Variants in VPS13B observed in about 807,000 individuals in gnomAD.
VPS13B encodes the protein intermembrane lipid transfer protein VPS13B.
In VPS13B, 285 loss-of-function variants were observed where a neutral mutation model predicts 426.4. That is an observed-to-expected ratio of 0.67 (90% CI 0.61 to 0.74). The LOEUF is 0.74. VPS13B is among the 30% of genes least tolerant of loss of function. VPS13B has a pLI of 0.00. For missense variants in VPS13B, 4,537 were observed against 4,782.6 expected (o/e 0.95, Z 1.51); for synonymous variants, 1,676 against 1,676.4 (o/e 1.00, Z 0.01).
At chr8:99,428,662 A>T (rs1450717207) in intron 21 of VPS13B, among the ~76,000 whole-genome samples, 1 of 151,870 alleles carries the variant, frequency 6.6e-6, no homozygotes, top group Admixed American at 6.6e-5. Context: ...GTGGAGAAAT[A>T]ACACTTTTAC....
chr8:99,386,270 T>A (rs943559395), intron 20 of VPS13B, among the ~76,000 whole-genome samples: 1 of 152,248 alleles, frequency 6.6e-6, no homozygotes, highest in Non-Finnish European at 1.5e-5. Context: ...AATATTTTGA[T>A]TTTTAACTTT....
intron 19 of VPS13B, among the ~76,000 whole-genome samples, chr8:99,312,037 C>G (rs1335952614): frequency 6.6e-6 from 1 of 152,172 alleles, no homozygotes; most frequent in Non-Finnish European, 1.5e-5. Flanking sequence ...AGATCTTCCT[C>G]CATCCCTTTA....
At chr8:99,613,120 A>G (rs972822347) in intron 33 of VPS13B, among the ~76,000 whole-genome samples, 1 of 152,230 alleles carries the variant, frequency 6.6e-6, no homozygotes, top group Non-Finnish European at 1.5e-5. Context: ...ACAATTGACT[A>G]CCATGAAATC....
At chr8:99,239,844 AT>A (rs969147907) in intron 17 of VPS13B, among the ~76,000 whole-genome samples, 66 of 152,126 alleles carry the variant, frequency 4.3e-4, no homozygotes, top group African/African-American at 1.5e-3. Flanking sequence ...ATTTAAAGAC[AT>A]TAAATAATTA....
intron 17 of VPS13B, among the ~76,000 whole-genome samples, chr8:99,214,428 T>C (rs919984950): frequency 1.8e-4 from 27 of 152,326 alleles, no homozygotes; most frequent in Admixed American, 8.5e-4. Flanking sequence ...GAGAACTTAA[T>C]AAAAATTAAC....
At chr8:99,460,127 G>A (rs769003269) in intron 23 of VPS13B, among the ~76,000 whole-genome samples, 2 of 151,982 alleles carry the variant, frequency 1.3e-5, no homozygotes, top group Non-Finnish European at 2.9e-5. Flanking sequence ...AACTCACTTG[G>A]TAATTTGCTA....
chr8:99,434,158 G>A (rs1189031239), intron 22 of VPS13B, among the ~76,000 whole-genome samples: 1 of 152,102 alleles, frequency 6.6e-6, no homozygotes, highest in East Asian at 1.9e-4. Context: ...AAGTAAAGGA[G>A]TTTTGATTAA....
intron 33 of VPS13B, among the ~76,000 whole-genome samples, chr8:99,588,222 C>A (rs902174368): frequency 6.6e-6 from 1 of 151,556 alleles, no homozygotes; most frequent in African/African-American, 2.4e-5. Context: ...TTACTGTAGC[C>A]TTGTAGTATA....
chr8:99,708,101 T>C (rs565457586), intron 36 of VPS13B, among the ~76,000 whole-genome samples: 1 of 152,322 alleles, frequency 6.6e-6, no homozygotes, highest in Admixed American at 6.5e-5. Context: ...AAGTATGTAT[T>C]TGCTATTATT....
chr8:99,365,398 G>C (rs145421329), intron 19 of VPS13B, among the ~76,000 whole-genome samples: 11 of 150,032 alleles, frequency 7.3e-5, no homozygotes, highest in African/African-American at 2.2e-4. Flanking sequence ...TGATGTATTT[G>C]TTTATAGCTA....
chr8:99,613,806 AC>A (rs1290926182), intron 33 of VPS13B: 4 of 152,304 alleles, frequency 2.6e-5, no homozygotes, highest in African/African-American at 9.6e-5. Context: ...TTGCTATGTT[AC>A]CCAGGCTGCA....
intron 19 of VPS13B, among the ~76,000 whole-genome samples, chr8:99,359,233 A>G (rs1257711358): frequency 1.7e-4 from 26 of 152,324 alleles, no homozygotes; most frequent in Non-Finnish European, 2.9e-5. Context: ...TCATAAAATA[A>G]CATTGATTTT....
At chr8:99,462,158 C>G (rs2133494086) in intron 23 of VPS13B, among the ~76,000 whole-genome samples, 1 of 150,630 alleles carries the variant, frequency 6.6e-6, no homozygotes, top group East Asian at 2.0e-4. Flanking sequence ...CCCTTCCTCC[C>G]TCCCTTTCTC....
At chr8:99,305,718 T>G (rs1242045064) in intron 19 of VPS13B, among the ~76,000 whole-genome samples, 1 of 152,076 alleles carries the variant, frequency 6.6e-6, no homozygotes, top group East Asian at 1.9e-4. Context: ...GAACTAAAAA[T>G]CTTTGGTAAA....
At chr8:99,388,813 G>A (rs1201760928) in intron 20 of VPS13B, among the ~76,000 whole-genome samples, 1 of 152,188 alleles carries the variant, frequency 6.6e-6, no homozygotes, top group Non-Finnish European at 1.5e-5. Flanking sequence ...TTAGAAAGTG[G>A]TTTTGTTTGG....
intron 54 of VPS13B, among the ~76,000 whole-genome samples, chr8:99,836,930 G>A (rs1279676408): frequency 6.6e-6 from 1 of 152,214 alleles, no homozygotes; most frequent in Non-Finnish European, 1.5e-5. Flanking sequence ...TAATTTGCAT[G>A]TAGTGGAAGC....
chr8:99,464,021 C>G (rs1175555376), intron 23 of VPS13B, among the ~76,000 whole-genome samples: 1 of 152,060 alleles, frequency 6.6e-6, no homozygotes, highest in Non-Finnish European at 1.5e-5. Flanking sequence ...AAGTTAAATG[C>G]TAACTAGTTT....
rs564465033 is a variant in VPS13B at position 99,302,512 on chromosome 8, A to AT, written c.2824+27269dup. On this transcript the variant is annotated intron_variant, in intron 19 of 61. Transcript: ENST00000357162. ...ATGCAATTTATTGAATACTCTATTG[A>AT]TTTTTTTTTTTATTAAAGACAGAGT... Among the ~76,000 whole-genome samples, 374 of 148,256 alleles carry AT rather than the reference A, an allele frequency of 2.5e-3. 1 individual carries two copies. The highest frequency in any genetic ancestry group is 7.1e-3 in the African/African-American group (287 of 40,616).
chr8:99,839,981 C>T (rs914238141), intron 54 of VPS13B, among the ~76,000 whole-genome samples: 5 of 152,260 alleles, frequency 3.3e-5, no homozygotes, highest in Admixed American at 3.3e-4. Context: ...GCTCCAACAT[C>T]TTTCCTAAGT....
Sources: allele counts gnomAD v4.1 joint callset (sites outside exome capture counted in the v4.1 genomes callset), GRCh38; gene constraint gnomAD v4.1.1; transcripts MANE v1.5; gene names NCBI Gene and HGNC (gene_info 2026-07-23, HGNC 2026-07-21).